The following LMNTD1 variants were observed in gnomAD, a reference collection of about 807,000 sequenced individuals.
The protein encoded by LMNTD1 is lamin tail domain containing 1.
Under a neutral mutation model 50.9 loss-of-function variants are expected in LMNTD1, and 35 were observed. The ratio of observed to expected loss-of-function variants is 0.69; its 90% CI spans 0.53 to 0.91. The LOEUF (loss-of-function observed/expected upper bound fraction) is 0.91, where lower values mean the gene tolerates loss of function less well. Ranked by LOEUF, LMNTD1 falls within the 40% of genes least tolerant of loss-of-function variation. The pLI is 0.00. For synonymous variants in LMNTD1, 153 were observed against 161.9 expected, an observed-to-expected ratio of 0.94 and a Z score of 0.42; for missense variants, 470 against 475.5, an observed-to-expected ratio of 0.99 and a Z score of 0.11.
chr12:25,635,773 G>A (rs938909438), intron 1 of LMNTD1, among the ~76,000 whole-genome samples: 2 of 152,154 alleles, frequency 1.3e-5, no homozygotes, highest in Non-Finnish European at 2.9e-5. Context: ...GCATGGTACT[G>A]GTATAAAAAC....
intron 1 of LMNTD1, among the ~76,000 whole-genome samples, chr12:25,635,052 C>G (rs903894020): frequency 6.6e-6 from 1 of 152,058 alleles, no homozygotes; most frequent in East Asian, 1.9e-4. Context: ...CCAGCCTGAT[C>G]AACATGGAGA....
At chr12:25,583,188 A>ATGTTTTT (rs1945379248) in intron 1 of LMNTD1, among the ~76,000 whole-genome samples, 1 of 139,210 alleles carries the variant, frequency 7.2e-6, no homozygotes, top group Admixed American at 7.3e-5. Context: ...CGCCTGGCTA[A>ATGTTTTT]TTTTTTTTTT....
intron 4 of LMNTD1, among the ~76,000 whole-genome samples, chr12:25,527,681 T>TTATATATATATATATATAC (rs1941890598): frequency 3.1e-5 from 1 of 32,356 alleles, no homozygotes; most frequent in African/African-American, 1.2e-4. Flanking sequence ...TATATATATA[T>TTATATATATATATATATAC]ACACACACAC....
At position 25,511,380 on chromosome 12, in the gene LMNTD1, C is replaced by T. The variant is rs79329217; in HGVS notation, c.1189+7415G>A. ...AAGACCGTTAGGATACCTCAGGTTTCTGAATGGCATTCACTTATATAAGGA... is the reference window on the plus strand; with the variant it reads ...AAGACCGTTAGGATACCTCAGGTTTTTGAATGGCATTCACTTATATAAGGA... On this transcript the variant is annotated intron_variant, in intron 8 of 9. Coordinates refer to ENST00000458174, the MANE Select transcript of LMNTD1 (RefSeq NM_001145728.2). Among the ~76,000 whole-genome samples, 555 of 152,192 alleles carry T rather than the reference C, an allele frequency of 3.6e-3. 4 individuals are homozygous for T. Among genetic ancestry groups the T allele is most frequent in the African/African-American group, 0.013 (540 of 41,516 alleles).
At position 25,616,601 on chromosome 12, in the gene LMNTD1, T is replaced by A. The variant is rs569846197; in HGVS notation, c.58+31893A>T. On this transcript the variant is annotated intron_variant, in intron 1 of 7. Coordinates refer to the LMNTD1 transcript ENST00000445693. ...GTTCTGTATCTTGACCAGATCAATA[T>A]CTATAACCTGGTTGTGATATTGTAC... 3.9e-5 allele frequency among the ~76,000 whole-genome samples: 6 copies of A among 152,316 alleles called. No homozygotes were observed. In the East Asian group the frequency reaches 7.7e-4, roughly 20 times the overall value.
chr12:25,576,825 G>T (rs1374428255), intron 1 of LMNTD1, among the ~76,000 whole-genome samples: 3 of 152,068 alleles, frequency 2.0e-5, no homozygotes, highest in Non-Finnish European at 4.4e-5. Context: ...ATGGTTTTAG[G>T]TCTAACATTT....
rs564345664 is a variant in LMNTD1 at position 25,645,216 on chromosome 12, G to A, written c.58+3278C>T. Among the ~76,000 whole-genome samples, 19 of 152,302 alleles carry A rather than the reference G, an allele frequency of 1.2e-4. No homozygotes were observed. In the South Asian group the frequency reaches 3.1e-3, roughly 25 times the overall value. ...CTAGCCAGGTAAGTACAGGGAGAGT[G>A]GGGCCAGAAAATTGAGCATGTTTTC... On this transcript the variant is annotated intron_variant, in intron 1 of 7. Coordinates refer to the LMNTD1 transcript ENST00000445693.
chr12:25,559,676 T>A (rs1236128005), intron 1 of LMNTD1, among the ~76,000 whole-genome samples: 1 of 152,188 alleles, frequency 6.6e-6, no homozygotes, highest in Admixed American at 6.5e-5. Context: ...TGTAAAAGTG[T>A]TCCTATTTCT....
intron 9 of LMNTD1, among the ~76,000 whole-genome samples, chr12:25,481,791 G>A (rs760619037): frequency 6.7e-6 from 1 of 148,976 alleles, no homozygotes; most frequent in African/African-American, 2.5e-5. Flanking sequence ...GAGCACTCAG[G>A]TTCTTTCAAA....
At chr12:25,494,161 A>T (rs560531709) in intron 9 of LMNTD1, among the ~76,000 whole-genome samples, 1 of 152,002 alleles carries the variant, frequency 6.6e-6, no homozygotes, top group African/African-American at 2.4e-5. Flanking sequence ...TTCTGTCTGA[A>T]CTCTATTCAT....
intron 1 of LMNTD1, among the ~76,000 whole-genome samples, chr12:25,590,789 C>T (rs1189005540): frequency 6.6e-6 from 1 of 152,122 alleles, no homozygotes; most frequent in Non-Finnish European, 1.5e-5. Flanking sequence ...GCCCCCTTTC[C>T]AGGACTTAGC....
intron 1 of LMNTD1, among the ~76,000 whole-genome samples, chr12:25,604,076 A>G (rs1235154020): frequency 6.6e-6 from 1 of 152,130 alleles, no homozygotes; most frequent in African/African-American, 2.4e-5. Flanking sequence ...ACCCTATCAC[A>G]TTCCCACAAA....
intron 1 of LMNTD1, among the ~76,000 whole-genome samples, chr12:25,559,530 G>C (rs1210952674): frequency 6.6e-6 from 1 of 152,210 alleles, no homozygotes; most frequent in Non-Finnish European, 1.5e-5. Flanking sequence ...CATTATAGCA[G>C]CATGATTTAT....
intron 1 of LMNTD1, among the ~76,000 whole-genome samples, chr12:25,608,132 T>C (rs1378434038): frequency 1.3e-5 from 2 of 152,120 alleles, no homozygotes; most frequent in East Asian, 3.9e-4. Context: ...TTAAAGTCTG[T>C]TTTGTCAGAG....
intron 9 of LMNTD1, among the ~76,000 whole-genome samples, chr12:25,486,459 A>G (rs1309158620): frequency 4.1e-5 from 6 of 146,778 alleles, no homozygotes; most frequent in Admixed American, 6.9e-5. Context: ...AACAGGGACA[A>G]TTTGACTTCC....
At chr12:25,550,808 C>G (rs140865595) in intron 2 of LMNTD1, among the ~76,000 whole-genome samples, 1 of 152,300 alleles carries the variant, frequency 6.6e-6, no homozygotes, top group East Asian at 1.9e-4. Context: ...GTATTCAAAA[C>G]TAGACTGCTC....
intron 1 of LMNTD1, among the ~76,000 whole-genome samples, chr12:25,577,699 A>G (rs904339186): frequency 6.6e-6 from 1 of 152,286 alleles, no homozygotes; most frequent in East Asian, 1.9e-4. Context: ...TGATTGCCCT[A>G]GCCAGAACTT....
intron 4 of LMNTD1, among the ~76,000 whole-genome samples, chr12:25,542,497 C>T (rs1401904703): frequency 2.1e-5 from 3 of 144,356 alleles, no homozygotes; most frequent in Non-Finnish European, 4.5e-5. Context: ...TGCATATTCT[C>T]ACTCATAGGT....
At chr12:25,584,983 A>T (rs1027309617) in intron 1 of LMNTD1, among the ~76,000 whole-genome samples, 2 of 152,224 alleles carry the variant, frequency 1.3e-5, no homozygotes, top group African/African-American at 4.8e-5. Context: ...AGTAAAACGG[A>T]TTATACTTGC....
Sources: gnomAD v4.1 joint callset for allele counts (sites outside exome capture counted in the v4.1 genomes callset) on GRCh38, gnomAD v4.1.1 for gene constraint, MANE v1.5 for transcripts, NCBI Gene and HGNC (gene_info 2026-07-23, HGNC 2026-07-21) for gene names.